EPHA3: variants seen among roughly 807,000 people sequenced by gnomAD.
EPHA3 encodes EPH receptor A3, also known as ephrin type-A receptor 3.
Under a neutral mutation model 107.1 loss-of-function variants are expected in EPHA3, and 42 were observed. That is an observed-to-expected ratio of 0.39 (90% confidence interval 0.31 to 0.51). The LOEUF (loss-of-function observed/expected upper bound fraction) is 0.51. Ranked by LOEUF, EPHA3 falls within the 20% of genes least tolerant of loss-of-function variation. The probability of loss-of-function intolerance (pLI) is 0.78; values close to 1 mark genes in which losing one functional copy is unlikely to be tolerated. For missense variants in EPHA3, 1,183 were observed against 1,211.2 expected (o/e 0.98, Z 0.35); for synonymous variants, 461 against 424.8 (o/e 1.09, Z -1.05).
At chr3:89,256,019 A>C (rs1298821484) in intron 3 of EPHA3, among the ~76,000 whole-genome samples, 2 of 152,128 alleles carry the variant, frequency 1.3e-5, no homozygotes, top group African/African-American at 2.4e-5. Context: ...CAAGGTCAGG[A>C]GTTCGAGACC....
intron 5 of EPHA3, among the ~76,000 whole-genome samples, chr3:89,372,355 C>T (rs1007569720): frequency 6.6e-6 from 1 of 151,664 alleles, no homozygotes; most frequent in African/African-American, 2.4e-5. Flanking sequence ...CTTCTAGCAG[C>T]AACCCCCTCA....
At position 89,400,124 on chromosome 3, in the gene EPHA3, T is replaced by A. The variant is rs537003243; in HGVS notation, c.1594+644T>A. 32 of 905,986 alleles carry A rather than the reference T, an allele frequency of 3.5e-5. No individual in the cohort carries two copies. In the African/African-American group the frequency reaches 5.0e-4, roughly 14 times the overall value. 56.1% of individuals were successfully genotyped at this position (905,986 alleles called of 1,614,324 possible). Reference sequence around the variant, plus strand: ...TATAATTTTCAAAAAGGTAAAATTATGTCTATGGCACTAATATAAAATGAG... The same window carrying A: ...TATAATTTTCAAAAAGGTAAAATTAAGTCTATGGCACTAATATAAAATGAG... On this transcript the variant is annotated intron_variant, in intron 7 of 16. Transcript: ENST00000336596.
chr3:89,262,524 A>G (rs1705439684), intron 3 of EPHA3, among the ~76,000 whole-genome samples: 1 of 152,198 alleles, frequency 6.6e-6, no homozygotes, highest in Non-Finnish European at 1.5e-5. Context: ...CCACTTTATG[A>G]GGACACTAAT....
At chr3:89,195,626 T>G (rs1225475472) in intron 2 of EPHA3, among the ~76,000 whole-genome samples, 1 of 152,144 alleles carries the variant, frequency 6.6e-6, no homozygotes, top group Non-Finnish European at 1.5e-5. Context: ...CTAAAATATT[T>G]CTCTCATTCA....
chr3:89,254,835 T>C (rs188762287), intron 3 of EPHA3, among the ~76,000 whole-genome samples: 2 of 152,328 alleles, frequency 1.3e-5, no homozygotes, highest in East Asian at 3.9e-4. Context: ...CCATCAGAAC[T>C]GGCAAGACAT....
intron 2 of EPHA3, among the ~76,000 whole-genome samples, chr3:89,166,783 C>G (rs1258504009): frequency 6.6e-6 from 1 of 152,066 alleles, no homozygotes; most frequent in Admixed American, 6.6e-5. Flanking sequence ...CAAAATGCAC[C>G]CTTTTATTAA....
intron 3 of EPHA3, among the ~76,000 whole-genome samples, chr3:89,292,172 C>T (rs1440695342): frequency 6.6e-5 from 10 of 152,064 alleles, no homozygotes; most frequent in East Asian, 3.9e-4. Flanking sequence ...TTACAGTTAG[C>T]GCCCTGTATC....
chr3:89,331,794 G>A (rs11923303), intron 3 of EPHA3, among the ~76,000 whole-genome samples: 69,296 of 151,730 alleles, frequency 0.46, 16,104 homozygotes, highest in African/African-American at 0.5. Context: ...AAATCAGCCT[G>A]GGAAATGCTA....
chr3:89,108,965 AAT>A (rs1707036515), intron 1 of EPHA3, among the ~76,000 whole-genome samples: 1 of 152,136 alleles, frequency 6.6e-6, no homozygotes, highest in Non-Finnish European at 1.5e-5. Flanking sequence ...CTCCTTAGAA[AAT>A]ATATTGTCAA....
At chr3:89,398,998 C>T (rs1341481637) in intron 6 of EPHA3, among the ~76,000 whole-genome samples, 10 of 151,840 alleles carry the variant, frequency 6.6e-5, no homozygotes, top group South Asian at 2.1e-4. Flanking sequence ...GGAGTGATGG[C>T]GTGCACCTGT....
At chr3:89,382,025 A>G (rs1391648317) in intron 5 of EPHA3, among the ~76,000 whole-genome samples, 1 of 152,176 alleles carries the variant, frequency 6.6e-6, no homozygotes, top group African/African-American at 2.4e-5. Context: ...TTACAGCAAG[A>G]TTGTATACAT....
At chr3:89,453,021 A>G (rs1710024505) in intron 15 of EPHA3, among the ~76,000 whole-genome samples, 1 of 152,132 alleles carries the variant, frequency 6.6e-6, no homozygotes, top group Non-Finnish European at 1.5e-5. Flanking sequence ...CTTAAATAAA[A>G]CTACCCATAA....
intron 3 of EPHA3, among the ~76,000 whole-genome samples, chr3:89,321,388 A>G (rs1313120047): frequency 1.3e-5 from 2 of 152,106 alleles, no homozygotes; most frequent in Non-Finnish European, 2.9e-5. Flanking sequence ...ATGCCATTCA[A>G]TAAGGAAGCT....
intron 13 of EPHA3, among the ~76,000 whole-genome samples, chr3:89,432,755 G>A (rs1709593114): frequency 1.3e-5 from 2 of 151,120 alleles, no homozygotes; most frequent in Non-Finnish European, 2.9e-5. Flanking sequence ...TCCTCTTTTG[G>A]CATAAAGTTA....
At chr3:89,308,718 A>G (rs1486839945) in intron 3 of EPHA3, among the ~76,000 whole-genome samples, 1 of 152,038 alleles carries the variant, frequency 6.6e-6, no homozygotes, top group East Asian at 1.9e-4. Flanking sequence ...GGTTATAGTC[A>G]GTATAAGTGG....
intron 5 of EPHA3, among the ~76,000 whole-genome samples, chr3:89,359,834 CAT>C (rs1173651650): frequency 5.7e-5 from 5 of 87,212 alleles, no homozygotes; most frequent in Non-Finnish European, 9.9e-5. Context: ...TATATATATA[CAT>C]ATATATATAT....
intron 3 of EPHA3, among the ~76,000 whole-genome samples, chr3:89,245,757 A>G (rs1449511757): frequency 2.0e-5 from 3 of 152,236 alleles, no homozygotes; most frequent in Non-Finnish European, 2.9e-5. Context: ...TCCAGCTGGC[A>G]TCTACTGTTA....
chr3:89,419,547 G>A (rs1709316288), intron 11 of EPHA3, among the ~76,000 whole-genome samples, 157 bp downstream of exon 11: 1 of 151,330 alleles, frequency 6.6e-6, no homozygotes. Flanking sequence ...TTTGACAGTA[G>A]AGCAGACCTT....
intron 3 of EPHA3, among the ~76,000 whole-genome samples, chr3:89,292,049 T>C (rs1197516378): frequency 6.6e-6 from 1 of 152,170 alleles, no homozygotes; most frequent in African/African-American, 2.4e-5. Context: ...CCAATTATTC[T>C]ATAGTTCTAA....
Sources: allele counts gnomAD v4.1 joint callset (sites outside exome capture counted in the v4.1 genomes callset), GRCh38; gene constraint gnomAD v4.1.1; transcripts MANE v1.5; gene names NCBI Gene and HGNC (gene_info 2026-07-23, HGNC 2026-07-21).